GLE1: variants seen among roughly 807,000 people sequenced by gnomAD.
GLE1 encodes the protein mRNA export factor GLE1.
GLE1 carries 78 observed loss-of-function variants against 97.3 expected under a neutral mutation model. The ratio of observed to expected loss-of-function variants is 0.80; its 90% CI spans 0.67 to 0.97. GLE1 has a LOEUF of 0.97. GLE1 is among the 50% of genes least tolerant of loss of function. GLE1 has a pLI of 0.00. For synonymous variants in GLE1, 302 were observed against 313.4 expected (o/e 0.96, Z 0.39); for missense variants, 753 against 857.5 (o/e 0.88, Z 1.52).
chr9:128,537,843 T>C (rs571181983), intron 12 of GLE1, 143 bp from the exon 13 acceptor site: 3 of 689,888 alleles, frequency 4.3e-6, no homozygotes, highest in Non-Finnish European at 8.0e-6. Flanking sequence ...TTTGTTTAGT[T>C]TGTGTTATTT....
chr9:128,520,952 G>A (rs1315644131), intron 3 of GLE1, among the ~76,000 whole-genome samples: 1 of 151,830 alleles, frequency 6.6e-6, no homozygotes, highest in South Asian at 2.1e-4. Flanking sequence ...TGGTAGAGAC[G>A]GGGGTCTCTC....
intron 3 of GLE1, among the ~76,000 whole-genome samples, chr9:128,520,450 A>AT (rs1478566696): frequency 1.4e-5 from 2 of 145,902 alleles, no homozygotes; most frequent in African/African-American, 4.9e-5. Flanking sequence ...ATATATATAT[A>AT]AAAAATACAA....
chr9:128,524,507 G>A (rs1348324539), intron 6 of GLE1, among the ~76,000 whole-genome samples: 1 of 148,612 alleles, frequency 6.7e-6, no homozygotes, highest in East Asian at 2.0e-4. Flanking sequence ...TTACAGGCAC[G>A]AGCCATTGTA....
chr9:128,504,754 G>C lies in GLE1; in HGVS notation c.-52G>C, dbSNP rs895434820. The C allele has an allele frequency of 8.0e-7, 1 of 1,246,418 alleles. No homozygotes were observed. The highest frequency in any genetic ancestry group is 1.2e-5 in the South Asian group (1 of 83,928). 77.2% of individuals were successfully genotyped at this position (1,246,418 alleles called of 1,614,324 possible). ...GTGGCCTTCCCGGCGGCTGATTCGAGGGCTTGTTTGGTCAGAAGGGGGGCG... is the reference window on the plus strand; with the variant it reads ...GTGGCCTTCCCGGCGGCTGATTCGACGGCTTGTTTGGTCAGAAGGGGGGCG... On this transcript the variant is annotated 5_prime_UTR_variant, in exon 1 of 16. Coordinates refer to ENST00000309971, the MANE Select transcript of GLE1 (RefSeq NM_001003722.2).
rs947897805 is a variant in GLE1 at position 128,533,401 on chromosome 9, G to C, written c.1313-112G>C. On this transcript the variant is annotated intron_variant, in intron 9 of 15. Coordinates refer to ENST00000309971, the MANE Select transcript of GLE1 (RefSeq NM_001003722.2). ...GCCAAGATTGTGCCACTGCACTCCA[G>C]CCTGGGCAGTAGAGTGATACTGTCT... 3.5e-6 allele frequency: 3 copies of C among 860,490 alleles called. No homozygotes were observed. In the African/African-American group the frequency reaches 6.3e-5, roughly 18 times the overall value. 53.3% of individuals were successfully genotyped at this position (860,490 alleles called of 1,614,324 possible). A position where few individuals can be genotyped will look rare whatever the true frequency, so the allele number is the denominator to read the frequency against.
rs372008961 is a variant in GLE1 at position 128,504,761 on chromosome 9, T to A, written c.-45T>A. ...TCCCGGCGGCTGATTCGAGGGCTTG[T>A]TTGGTCAGAAGGGGGGCGTCAGAGA... On this transcript the variant is annotated 5_prime_UTR_variant, in exon 1 of 16. Transcript: ENST00000309971. 4 of 1,312,352 alleles carry A rather than the reference T, an allele frequency of 3.0e-6. No individual in the cohort carries two copies. Among genetic ancestry groups the A allele is most frequent in the Non-Finnish European group, 3.3e-6 (3 of 906,562 alleles). The allele number at this position is 1,312,352 out of a possible 1,614,324, so 81.3% of individuals were successfully genotyped here.
chr9:128,530,826 A>G (rs533869192), intron 9 of GLE1, among the ~76,000 whole-genome samples: 1 of 147,702 alleles, frequency 6.8e-6, no homozygotes, highest in Non-Finnish European at 1.5e-5. Context: ...GGAAAATGGC[A>G]TGAACCCGGG....
At position 128,515,541 on chromosome 9, in the gene GLE1, T is replaced by A; in HGVS notation, c.334T>A (p.Ser112Thr). The A allele has an allele frequency of 6.3e-7, 1 of 1,589,192 alleles. No individual in the cohort carries two copies. Among genetic ancestry groups the A allele is most frequent in the South Asian group, 1.1e-5 (1 of 90,566 alleles). The change falls in exon 3 of 16, where the codon TCC (serine) becomes ACC (threonine). Residue 112 changes from serine to threonine, a missense_variant. Physicochemically the swap from Ser to Thr is moderately conservative, Grantham distance 58. Transcript: ENST00000309971. ...TPNGTKGKDE[S>T]QHTESMVLQS... ...TCTGCTCATATAGGGCAAAGATGAGTCCCAGCACACAGAATCTATGGTACT... is the reference window on the plus strand; with the variant it reads ...TCTGCTCATATAGGGCAAAGATGAGACCCAGCACACAGAATCTATGGTACT...
intron 9 of GLE1, 46 bp downstream of exon 9, chr9:128,527,571 A>G (rs1453983011): frequency 7.2e-6 from 8 of 1,106,702 alleles, no homozygotes; most frequent in African/African-American, 1.5e-5. Flanking sequence ...TCATTGTATT[A>G]TCTTTCAGAC....
chr9:128,541,019 C>T (rs1443450345), intron 15 of GLE1, 83 bp from the exon 16 acceptor site: 1 of 844,742 alleles, frequency 1.2e-6, no homozygotes. Context: ...ATATGGTGTT[C>T]CTCAAAGCTT....
At chr9:128,520,438 G>GTA (rs1007444595) in intron 3 of GLE1, among the ~76,000 whole-genome samples, 47 of 145,810 alleles carry the variant, frequency 3.2e-4, no homozygotes, top group Non-Finnish European at 5.1e-4. Flanking sequence ...GTATATATAT[G>GTA]TATATATATA....
Position 128,541,545 on chromosome 9 carries a change from T to TACCC in GLE1, c.*380_*383dup, listed in dbSNP as rs1327075175. On this transcript the variant is annotated 3_prime_UTR_variant, in exon 16 of 16. Coordinates refer to ENST00000309971, the MANE Select transcript of GLE1 (RefSeq NM_001003722.2). Reference sequence around the variant, plus strand: ...AGGGAGCCCACCATTTGCACCCACCTACCCACCCTCACCCCTGTTCAGATG... The same window carrying TACCC: ...AGGGAGCCCACCATTTGCACCCACCTACCCACCCACCCTCACCCCTGTTCAGATG... The TACCC allele has an allele frequency of 3.6e-6, 1 of 280,082 alleles. No homozygotes were observed. The highest frequency in any genetic ancestry group is 6.9e-6 in the Non-Finnish European group (1 of 144,958). The allele number at this position is 280,082 out of a possible 1,614,324, so 17.3% of individuals were successfully genotyped here.
intron 6 of GLE1, 102 bp downstream of exon 6, chr9:128,523,948 T>C (rs540834690): frequency 1.9e-6 from 2 of 1,072,644 alleles, no homozygotes; most frequent in African/African-American, 1.6e-5. Flanking sequence ...TATCTGCTTA[T>C]TGGGGGAAAT....
At chr9:128,512,996 G>A (rs974481152) in intron 2 of GLE1, among the ~76,000 whole-genome samples, 4 of 152,092 alleles carry the variant, frequency 2.6e-5, no homozygotes, top group African/African-American at 9.7e-5. Context: ...GAGCCACTGC[G>A]CCTGGCCTAA....
chr9:128,514,949 T>C (rs1164674774), intron 2 of GLE1, among the ~76,000 whole-genome samples: 1 of 152,020 alleles, frequency 6.6e-6, no homozygotes, highest in Non-Finnish European at 1.5e-5. Flanking sequence ...GCCTCCTCAG[T>C]AGCTGGGATT....
chr9:128,518,739 G>T (rs776527069), intron 3 of GLE1, among the ~76,000 whole-genome samples: 1 of 151,454 alleles, frequency 6.6e-6, no homozygotes, highest in East Asian at 1.9e-4. Flanking sequence ...ATGGTGGCAG[G>T]CACCTGTAGT....
chr9:128,540,044 A>G (rs372872507), intron 14 of GLE1, among the ~76,000 whole-genome samples: 2 of 151,502 alleles, frequency 1.3e-5, no homozygotes, highest in East Asian at 1.9e-4. Flanking sequence ...ATATAGCAAG[A>G]CCCCATCTCT....
At chr9:128,521,388 GC>G (rs1847148168) in intron 3 of GLE1, among the ~76,000 whole-genome samples, 1 of 151,864 alleles carries the variant, frequency 6.6e-6, no homozygotes, top group Non-Finnish European at 1.5e-5. Context: ...TTAAAAATTA[GC>G]CCCGTGTGAT....
At position 128,533,611 on chromosome 9, in the gene GLE1, C is replaced by G. The variant is rs973138093; in HGVS notation, c.1411C>G (p.Gln471Glu). ...CTCTGTGTCTGTCACACTTAACCCA[C>G]AGGGGCTGGACTTTGTTCAATACAA... is the stretch of plus-strand genomic sequence containing the variant. Reference protein sequence around the residue: ...GRSVSVTLNPQGLDFVQYKLA... With the variant: ...GRSVSVTLNPEGLDFVQYKLA... Residue 471 changes from glutamine to glutamate, a missense_variant, in exon 10 of 16, where the codon CAG becomes GAG. Transcript: ENST00000309971. The G allele has an allele frequency of 6.2e-7, 1 of 1,614,082 alleles. No homozygotes were observed.
Sources: allele counts gnomAD v4.1 joint callset (sites outside exome capture counted in the v4.1 genomes callset), GRCh38; gene constraint gnomAD v4.1.1; transcripts MANE v1.5; gene names NCBI Gene and HGNC (gene_info 2026-07-23, HGNC 2026-07-21).